MAF: variants seen among roughly 807,000 people sequenced by gnomAD.
MAF encodes the protein transcription factor Maf.
A neutral mutation model predicts 22.0 loss-of-function variants in MAF; 10 were observed. That is an observed-to-expected ratio of 0.45 (90% CI 0.28 to 0.77). The LOEUF is 0.77. Ranked by LOEUF, MAF falls within the 30% of genes least tolerant of loss-of-function variation. The probability of loss-of-function intolerance (pLI) is 0.12; values close to 1 mark genes in which losing one functional copy is unlikely to be tolerated. For missense variants in MAF, 544 were observed against 548.4 expected (o/e 0.99, Z 0.08); for synonymous variants, 337 against 255.8 (o/e 1.32, Z -3.03).
At chr16:79,552,794 T>C in the MAF span, among the ~76,000 whole-genome samples, 2 of 152,298 alleles carry the variant, frequency 1.3e-5, no homozygotes, top group East Asian at 3.9e-4. Context: ...GTGGTTATGT[T>C]CACAGTACTT....
the MAF span, among the ~76,000 whole-genome samples, chr16:79,547,561 T>C: frequency 1.3e-5 from 2 of 152,154 alleles, no homozygotes; most frequent in African/African-American, 4.8e-5. Flanking sequence ...CCCCTAAAAG[T>C]TAATCGTAAA....
chr16:79,517,922 A>G, the MAF span, among the ~76,000 whole-genome samples: 52 of 152,216 alleles, frequency 3.4e-4, no homozygotes, highest in Middle Eastern at 6.8e-3. Flanking sequence ...CATACCCACA[A>G]TAGTGGACCA....
the MAF span, among the ~76,000 whole-genome samples, chr16:79,361,600 T>C: frequency 6.6e-6 from 1 of 152,212 alleles, no homozygotes; most frequent in African/African-American, 2.4e-5. Flanking sequence ...TCTGTCACTG[T>C]CTTTGCACAA....
the MAF span, among the ~76,000 whole-genome samples, chr16:79,267,284 G>A: frequency 6.6e-6 from 1 of 152,198 alleles, no homozygotes; most frequent in Non-Finnish European, 1.5e-5. Context: ...TCTATGGAGG[G>A]TCCAGCTAGC....
the MAF span, among the ~76,000 whole-genome samples, chr16:79,490,002 G>T: frequency 6.6e-6 from 1 of 152,154 alleles, no homozygotes; most frequent in Non-Finnish European, 1.5e-5. Context: ...AGCTAACAAG[G>T]ATGAAAGCCA....
the MAF span, among the ~76,000 whole-genome samples, chr16:79,508,762 C>A: frequency 6.6e-6 from 1 of 152,106 alleles, no homozygotes; most frequent in East Asian, 1.9e-4. Flanking sequence ...GAAGACACAC[C>A]AGAAAGGGCA....
At chr16:79,598,535 C>G (rs917257408) in intron 1 of MAF, 2 of 1,415,934 alleles carry the variant, frequency 1.4e-6, no homozygotes, top group Admixed American at 5.4e-5. Context: ...CATTCCCTCC[C>G]CAGTTTAAAA....
At chr16:79,310,049 A>G in the MAF span, among the ~76,000 whole-genome samples, 4,740 of 152,260 alleles carry the variant, frequency 0.031, 84 homozygotes, top group East Asian at 0.054. Flanking sequence ...ATGGAAAAAT[A>G]TCAAATCAAG....
At chr16:79,281,827 T>C in the MAF span, among the ~76,000 whole-genome samples, 1 of 152,038 alleles carries the variant, frequency 6.6e-6, no homozygotes, top group Non-Finnish European at 1.5e-5. Flanking sequence ...GGAAAATCCA[T>C]TACAATCCTT....
At chr16:79,354,388 A>G in the MAF span, among the ~76,000 whole-genome samples, 11 of 151,050 alleles carry the variant, frequency 7.3e-5, no homozygotes, top group East Asian at 1.9e-4. Flanking sequence ...TAGTTCCTGG[A>G]ATGTGTCTGC....
chr16:79,478,654 G>C, the MAF span, among the ~76,000 whole-genome samples: 2 of 152,096 alleles, frequency 1.3e-5, no homozygotes, highest in African/African-American at 4.8e-5. Flanking sequence ...TTCTCTCCTA[G>C]TGTTCCATCC....
chr16:79,369,463 C>A, the MAF span, among the ~76,000 whole-genome samples: 1 of 152,214 alleles, frequency 6.6e-6, no homozygotes, highest in South Asian at 2.1e-4. Context: ...CTGCTCTTCT[C>A]TTTGAGGACA....
the MAF span, among the ~76,000 whole-genome samples, chr16:79,239,161 A>G: frequency 6.6e-6 from 1 of 152,050 alleles, no homozygotes; most frequent in Non-Finnish European, 1.5e-5. Context: ...GCAGCTCCTG[A>G]TTTTGTAACT....
the MAF span, among the ~76,000 whole-genome samples, chr16:79,274,366 G>C: frequency 6.6e-6 from 1 of 151,934 alleles, no homozygotes; most frequent in Admixed American, 6.6e-5. Context: ...AAATGCAGAT[G>C]TCTGGTTTAC....
chr16:79,202,623 C>G, the MAF span: 1 of 152,188 alleles, frequency 6.6e-6, no homozygotes, highest in African/African-American at 2.4e-5. Flanking sequence ...CCACAACAGT[C>G]TAGGAAGAAA....
the MAF span, among the ~76,000 whole-genome samples, chr16:79,211,427 G>T: frequency 6.6e-6 from 1 of 152,150 alleles, no homozygotes; most frequent in East Asian, 1.9e-4. Flanking sequence ...GTTTTTCCAG[G>T]ATAGTCACAT....
the MAF span, among the ~76,000 whole-genome samples, chr16:79,493,178 TG>T: frequency 6.6e-6 from 1 of 152,056 alleles, no homozygotes; most frequent in Middle Eastern, 3.4e-3. Flanking sequence ...GTTTTTTGTT[TG>T]TTTTTTTGTT....
intron 1 of MAF, chr16:79,598,387 G>C: frequency 8.7e-7 from 1 of 1,142,968 alleles, no homozygotes. Flanking sequence ...GGTGATCAAC[G>C]TTTCACATGA....
the MAF span, among the ~76,000 whole-genome samples, chr16:79,454,844 C>A: frequency 6.6e-6 from 1 of 152,158 alleles, no homozygotes; most frequent in Non-Finnish European, 1.5e-5. Context: ...TGCCTGTAAT[C>A]CCAGCACTTT....
Sources: allele counts gnomAD v4.1 joint callset (sites outside exome capture counted in the v4.1 genomes callset), GRCh38; gene constraint gnomAD v4.1.1; transcripts MANE v1.5; gene names NCBI Gene and HGNC (gene_info 2026-07-23, HGNC 2026-07-21).